Variants in TET2 observed in about 807,000 individuals in gnomAD.
The protein encoded by TET2 is methylcytosine dioxygenase TET2.
TET2 carries 299 observed loss-of-function variants against 142.9 expected under a neutral mutation model. The observed-to-expected ratio is 2.09, with a 90% CI of 1.90 to 2.30. The LOEUF (loss-of-function observed/expected upper bound fraction) is 2.30. Among genes scored for constraint, TET2 ranks in the 30% most tolerant of loss-of-function variants. TET2 has a pLI of 0.00. For missense variants in TET2, 2,418 were observed against 2,378.0 expected, an observed-to-expected ratio of 1.02 and a Z score of -0.35; for synonymous variants, 819 against 849.0, an observed-to-expected ratio of 0.96 and a Z score of 0.61.
At chr4:105,182,680 AT>A (rs1725191912) in intron 1 of TET2, among the ~76,000 whole-genome samples, 1 of 152,156 alleles carries the variant, frequency 6.6e-6, no homozygotes, top group Admixed American at 6.5e-5. Context: ...CCTTGTTTCA[AT>A]TTTTAGAATG....
At chr4:105,169,997 A>C (rs1344398016) in intron 1 of TET2, among the ~76,000 whole-genome samples, 1 of 152,080 alleles carries the variant, frequency 6.6e-6, no homozygotes, top group Admixed American at 6.6e-5. Flanking sequence ...TCTAGTATAA[A>C]GTCAGGTAAT....
intron 2 of TET2, among the ~76,000 whole-genome samples, chr4:105,222,267 C>G (rs1162072380): frequency 6.6e-6 from 1 of 152,178 alleles, no homozygotes; most frequent in Non-Finnish European, 1.5e-5. Context: ...ATTTCTAGTT[C>G]TAGATCCCTG....
chr4:105,169,022 A>G (rs763246273), intron 1 of TET2, among the ~76,000 whole-genome samples: 2 of 152,296 alleles, frequency 1.3e-5, no homozygotes, highest in Middle Eastern at 3.4e-3. Flanking sequence ...CATTTTTGCA[A>G]TTGCAAATTG....
chr4:105,177,934 A>G (rs1476271125), intron 1 of TET2: 1 of 152,102 alleles, frequency 6.6e-6, no homozygotes, highest in African/African-American at 2.4e-5. Flanking sequence ...TAAAGATACA[A>G]AAAAGTAGCT....
At chr4:105,158,779 G>GA (rs570188577) in intron 1 of TET2, among the ~76,000 whole-genome samples, 33 of 149,526 alleles carry the variant, frequency 2.2e-4, no homozygotes, top group South Asian at 1.5e-3. Flanking sequence ...AATGCAACAG[G>GA]AAAAAAATAT....
At chr4:105,208,857 A>G (rs1726978090) in intron 2 of TET2, among the ~76,000 whole-genome samples, 1 of 151,680 alleles carries the variant, frequency 6.6e-6, no homozygotes, top group Non-Finnish European at 1.5e-5. Flanking sequence ...TTCTTCCCCC[A>G]AAGAACGAAC....
intron 1 of TET2, chr4:105,177,740 T>C (rs1177819627): frequency 6.6e-6 from 1 of 152,198 alleles, no homozygotes; most frequent in African/African-American, 2.4e-5. Flanking sequence ...AAAATAAACA[T>C]ACTCTTCCCA....
In TET2 at chr4:105,206,162, C is replaced by G. The variant is rs192050953; in HGVS notation, c.-47+15657C>G. ...GGGAACAGCTCTATCCCACTGGGACCTCTCCCTTTCCTCATGAGTGACGCC... is the reference window on the plus strand; with the variant it reads ...GGGAACAGCTCTATCCCACTGGGACGTCTCCCTTTCCTCATGAGTGACGCC... On this transcript the variant is annotated intron_variant, in intron 2 of 10. Transcript: ENST00000380013. Among the ~76,000 whole-genome samples, 6 of 152,308 alleles carry G rather than the reference C, an allele frequency of 3.9e-5. No homozygotes were observed. In the East Asian group the frequency reaches 1.2e-3, roughly 29 times the overall value.
At chr4:105,211,512 C>T (rs1354540182) in intron 2 of TET2, among the ~76,000 whole-genome samples, 4 of 152,036 alleles carry the variant, frequency 2.6e-5, no homozygotes, top group African/African-American at 7.2e-5. Flanking sequence ...GGGAATAAGC[C>T]GAGGCAGAGG....
At chr4:105,158,361 G>A (rs1448720255) in intron 1 of TET2, among the ~76,000 whole-genome samples, 1 of 152,038 alleles carries the variant, frequency 6.6e-6, no homozygotes, top group Non-Finnish European at 1.5e-5. Flanking sequence ...CTCAGTATTG[G>A]TAAGAATTCA....
At position 105,241,407 on chromosome 4, in the gene TET2, A is replaced by G. The variant is rs1401792461; in HGVS notation, c.3478A>G (p.Ile1160Val). 2 of 1,550,072 alleles carry G rather than the reference A, an allele frequency of 1.3e-6. No individual in the cohort carries two copies. The highest frequency in any genetic ancestry group is 4.9e-5 in the East Asian group (2 of 40,910). Residue 1160 changes from isoleucine to valine, a missense_variant, in exon 4 of 11, where the codon ATT becomes GTT. Coordinates refer to ENST00000380013, the MANE Select transcript of TET2 (RefSeq NM_001127208.3). ...HLGAGPNVAA[I>V]REIMEERFGQ... ...AGGAGCAGGTCCTAATGTGGCAGCT[A>G]TTAGAGAAATCATGGAAGAAAGGTA...
Position 105,234,249 on chromosome 4 carries a change from C to G in TET2, c.307C>G (p.Leu103Val). The change falls in exon 3 of 11, where the codon CTC (leucine) becomes GTC (valine). Residue 103 changes from leucine to valine, a missense_variant. Physicochemically the swap from Leu to Val is conservative, Grantham distance 32. Transcript: ENST00000380013. ...GIKRTVSEPS[L>V]SGLLQIKKLK... Reference sequence around the variant, plus strand: ...AAAACGCACAGTTAGTGAACCTTCTCTCTCTGGGCTCCTTCAGATCAAGAA... The same window carrying G: ...AAAACGCACAGTTAGTGAACCTTCTGTCTCTGGGCTCCTTCAGATCAAGAA... The G allele has an allele frequency of 1.2e-6, 2 of 1,614,136 alleles. No homozygotes were observed. The highest frequency in any genetic ancestry group is 1.7e-6 in the Non-Finnish European group (2 of 1,180,010).
intron 2 of TET2, among the ~76,000 whole-genome samples, chr4:105,212,718 G>A (rs574552908): frequency 2.0e-5 from 3 of 152,092 alleles, no homozygotes; most frequent in East Asian, 1.9e-4. Flanking sequence ...AGCCAGGTGC[G>A]GTAGCTCACG....
intron 1 of TET2, among the ~76,000 whole-genome samples, chr4:105,150,410 T>C (rs1184394172): frequency 2.0e-5 from 3 of 152,230 alleles, no homozygotes; most frequent in African/African-American, 7.2e-5. Flanking sequence ...ATCTTTGTTA[T>C]ATAAATAACC....
Position 105,272,900 on chromosome 4 carries a change from C to T in TET2, c.4519C>T (p.Gln1507Ter). 1 of 1,533,490 alleles carries T rather than the reference C, an allele frequency of 6.5e-7. No homozygotes were observed. 95.0% of individuals were successfully genotyped at this position (1,533,490 alleles called of 1,614,324 possible). ...SRTKQTENAS[Q>*]AKQLAELLRL... ...TACAAAACAAACTGAAAACGCAAGC[C>T]AGGCTAAACAGTTGGCAGGTAAATT... is the stretch of plus-strand genomic sequence containing the variant. Residue 1507 changes from glutamine to a stop codon, truncating the protein, a stop_gained, in exon 10 of 11, where the codon CAG (glutamine) becomes TAG (stop). Transcript: ENST00000380013. LOFTEE classifies it low-confidence loss of function (END_TRUNC).
intron 2 of TET2, among the ~76,000 whole-genome samples, chr4:105,208,800 C>T (rs1726975405): frequency 6.6e-6 from 1 of 151,600 alleles, no homozygotes; most frequent in East Asian, 1.9e-4. Flanking sequence ...GGTAACCTGC[C>T]ATAACAAAAG....
At chr4:105,216,763 A>G (rs1322270674) in intron 2 of TET2, among the ~76,000 whole-genome samples, 1 of 152,086 alleles carries the variant, frequency 6.6e-6, no homozygotes, top group African/African-American at 2.4e-5. Context: ...TTTTCAAACA[A>G]AAAGCTAATT....
rs372490795 is a variant in TET2 at position 105,276,449 on chromosome 4, C to T, written c.5939C>T (p.Thr1980Ile). Residue 1980 changes from threonine (T) to isoleucine (I), a missense_variant, in exon 11 of 11, where the codon ACA becomes ATA. By Grantham distance (89) the Thr-to-Ile change is moderately conservative. Transcript: ENST00000380013. Reference protein sequence around the residue: ...SLAERTMSVTTDSTVTTSPYA... With the variant: ...SLAERTMSVTIDSTVTTSPYA... ...GCCGAAAGGACCATGTCCGTGACCA[C>T]AGACTCCACAGTAACTACATCTCCA... 362 of 1,551,734 alleles carry T rather than the reference C, an allele frequency of 2.3e-4. No homozygotes were observed. The highest frequency in any genetic ancestry group is 3.1e-4 in the Non-Finnish European group (350 of 1,147,028).
chr4:105,223,469 A>AT (rs1727980827), intron 2 of TET2, among the ~76,000 whole-genome samples: 1 of 152,180 alleles, frequency 6.6e-6, no homozygotes, highest in Non-Finnish European at 1.5e-5. Context: ...CTTGGCAACC[A>AT]TACCAATATT....
Sources: gnomAD v4.1 joint callset for allele counts (sites outside exome capture counted in the v4.1 genomes callset) on GRCh38, gnomAD v4.1.1 for gene constraint, MANE v1.5 for transcripts, NCBI Gene and HGNC (gene_info 2026-07-23, HGNC 2026-07-21) for gene names.